ANKRD26: variants seen among roughly 807,000 people sequenced by gnomAD.
ANKRD26 encodes the protein ankyrin repeat domain 26.
A neutral mutation model predicts 208.7 loss-of-function variants in ANKRD26; 141 were observed. The ratio of observed to expected loss-of-function variants is 0.68; its 90% confidence interval spans 0.59 to 0.78. The LOEUF (loss-of-function observed/expected upper bound fraction) is 0.78, where lower values mean the gene tolerates loss of function less well. ANKRD26 is among the 30% of genes least tolerant of loss of function. The pLI is 0.00. For missense variants in ANKRD26, 1,889 were observed against 1,938.7 expected (o/e 0.97, Z 0.48); for synonymous variants, 636 against 660.4 (o/e 0.96, Z 0.57).
In ANKRD26 at chr10:27,064,608, A is replaced by G. The variant is rs115351131; in HGVS notation, c.1270-527T>C. ...GTGGCATGATAAGAAACTCTGGAGT[A>G]TGCCCTGTTAAGTATAAATAGAACA... On this transcript the variant is annotated intron_variant, in intron 11 of 33. Transcript: ENST00000376087. 5.3e-3 allele frequency among the ~76,000 whole-genome samples: 815 copies of G among 152,346 alleles called. 7 individuals carry two copies. The highest frequency in any genetic ancestry group is 0.018 in the African/African-American group (747 of 41,582).
At chr10:27,000,143 A>G (rs940522611), downstream of ANKRD26, among the ~76,000 whole-genome samples, 4 of 152,148 alleles carry the variant, frequency 2.6e-5, no homozygotes, top group Non-Finnish European at 5.9e-5. Context: ...AGATCTTACA[A>G]TTGCTTTGTG....
At chr10:26,989,083 G>T (rs779340082), downstream of ANKRD26, among the ~76,000 whole-genome samples, 1 of 151,894 alleles carries the variant, frequency 6.6e-6, no homozygotes, top group Non-Finnish European at 1.5e-5. Flanking sequence ...TATTAATATC[G>T]GGCAAGATAT....
chr10:27,001,646 GTTCTCTGCCTGGC>G (rs1257717835), downstream of ANKRD26, among the ~76,000 whole-genome samples: 1 of 152,180 alleles, frequency 6.6e-6, no homozygotes, highest in East Asian at 1.9e-4. Flanking sequence ...ATGCAGATGG[GTTCTCTGCCTGGC>G]CAGTGCCATG....
intron 24 of ANKRD26, among the ~76,000 whole-genome samples, chr10:27,033,877 GC>G: frequency 6.6e-6 from 1 of 152,032 alleles, no homozygotes; most frequent in East Asian, 1.9e-4. Context: ...GCCTCCACTT[GC>G]CTCCCTGACC....
chr10:26,970,234 T>C (rs924729514), downstream of ANKRD26, among the ~76,000 whole-genome samples: 1 of 152,028 alleles, frequency 6.6e-6, no homozygotes, highest in Non-Finnish European at 1.5e-5. Flanking sequence ...CCCACCCAAA[T>C]CACATCTTGA....
chr10:27,000,966 C>T (rs1011828084), downstream of ANKRD26, among the ~76,000 whole-genome samples: 2 of 152,188 alleles, frequency 1.3e-5, no homozygotes, highest in African/African-American at 4.8e-5. Context: ...CAAGATCACG[C>T]CACTGCACTA....
the ANKRD26 span, among the ~76,000 whole-genome samples, chr10:26,951,449 T>C: frequency 6.6e-6 from 1 of 152,326 alleles, no homozygotes; most frequent in East Asian, 1.9e-4. Context: ...CAATTTTCCT[T>C]ATATAGATTT....
chr10:27,002,511 G>A (rs984137940), downstream of ANKRD26, among the ~76,000 whole-genome samples: 1 of 152,178 alleles, frequency 6.6e-6, no homozygotes, highest in Non-Finnish European at 1.5e-5. Context: ...GTGAGGGTGG[G>A]TGTATGTGAG....
chr10:27,051,506 T>C, intron 16 of ANKRD26: 1 of 1,030,290 alleles, frequency 9.7e-7, no homozygotes, highest in Non-Finnish European at 1.2e-6. Flanking sequence ...CTGTAACTAC[T>C]TCTGGGTTCC....
chr10:26,987,131 G>A (rs923946344), downstream of ANKRD26, among the ~76,000 whole-genome samples: 9 of 152,236 alleles, frequency 5.9e-5, no homozygotes, highest in African/African-American at 2.2e-4. Flanking sequence ...TCCTTTGTAG[G>A]GACATGGATG....
chr10:27,023,016 A>T (rs2053540385), intron 28 of ANKRD26, among the ~76,000 whole-genome samples: 1 of 152,232 alleles, frequency 6.6e-6, no homozygotes, highest in South Asian at 2.1e-4. Flanking sequence ...ACCAGAGATC[A>T]GAGTCCAAGG....
At chr10:27,045,686 G>T (rs1016257832) in intron 18 of ANKRD26, among the ~76,000 whole-genome samples, 6 of 152,050 alleles carry the variant, frequency 3.9e-5, no homozygotes, top group Non-Finnish European at 7.4e-5. Flanking sequence ...AAAGTACTCT[G>T]ATATCTTCAA....
chr10:26,994,508 A>T (rs983028882), intron 5 of ANKRD26, among the ~76,000 whole-genome samples: 1 of 152,026 alleles, frequency 6.6e-6, no homozygotes, highest in South Asian at 2.1e-4. Context: ...TCTGTTTCCA[A>T]GTAGATTTCC....
chr10:27,087,149 CA>C (rs980703132), intron 4 of ANKRD26, among the ~76,000 whole-genome samples: 1 of 152,110 alleles, frequency 6.6e-6, no homozygotes, highest in African/African-American at 2.4e-5. Flanking sequence ...CAGTGGAGCT[CA>C]GCAAATTAAC....
chr10:27,068,238 C>T (rs972174635), intron 9 of ANKRD26, among the ~76,000 whole-genome samples: 32 of 152,302 alleles, frequency 2.1e-4, no homozygotes, highest in Non-Finnish European at 4.4e-4. Context: ...TGAGTGAATT[C>T]TCATGAGATC....
chr10:27,022,680 T>C lies in ANKRD26; in HGVS notation c.4093A>G (p.Asn1365Asp), dbSNP rs1372419882. Reference protein sequence around the residue: ...ELEREITGFKNLLKMTRKKLN... With the variant: ...ELEREITGFKDLLKMTRKKLN... ...TTCTTTCTTGTCATTTTTAAGAGGT[T>C]CTTAAATCTGCAGGAAGGTACAAAA... The change falls in exon 29 of 34, where the codon AAC becomes GAC. Residue 1365 changes from asparagine (N) to aspartate (D), a missense_variant. Asn to Asp is a conservative substitution (Grantham distance 23). Around this residue, in one of 3 missense-constraint regions of ANKRD26, gnomAD observed 613 missense variants for 648.2 expected, o/e 0.95. Transcript: ENST00000376087. 1 of 1,585,140 alleles carries C rather than the reference T, an allele frequency of 6.3e-7. No individual in the cohort carries two copies. Among genetic ancestry groups the C allele is most frequent in the Non-Finnish European group, 8.6e-7 (1 of 1,159,540 alleles).
rs1193718227 is a variant in ANKRD26 at position 27,042,535 on chromosome 10, G to C, written c.2161+891C>G. Among the ~76,000 whole-genome samples, 33 of 152,100 alleles carry C rather than the reference G, an allele frequency of 2.2e-4. No homozygotes were observed. The South Asian group carries it at 6.4e-3, about 30-fold the overall frequency. Reference sequence around the variant, plus strand: ...TTGGGAGGCCAAGGCGGGTGGATCCGGAGGTCAGGCAATTGAGACCATCCT... The same window carrying C: ...TTGGGAGGCCAAGGCGGGTGGATCCCGAGGTCAGGCAATTGAGACCATCCT... On this transcript the variant is annotated intron_variant, in intron 20 of 33. Coordinates refer to ENST00000376087, the MANE Select transcript of ANKRD26 (RefSeq NM_014915.3).
chr10:27,074,491 G>A (rs2135554099), intron 9 of ANKRD26, among the ~76,000 whole-genome samples: 1 of 152,282 alleles, frequency 6.6e-6, no homozygotes, highest in Middle Eastern at 3.4e-3. Context: ...GACCACCCTG[G>A]CCAACATGGC....
At chr10:26,999,791 T>G, downstream of ANKRD26, among the ~76,000 whole-genome samples, 1 of 123,676 alleles carries the variant, frequency 8.1e-6, no homozygotes. Flanking sequence ...CTGATAGGTT[T>G]GAGACCAAAA....
Sources: gnomAD v4.1 joint callset for allele counts (sites outside exome capture counted in the v4.1 genomes callset) on GRCh38, gnomAD v4.1.1 for gene constraint, gnomAD v4.1.1 regional missense constraint, MANE v1.5 for transcripts, NCBI Gene and HGNC (gene_info 2026-07-23, HGNC 2026-07-21) for gene names.